LUC7L2: variants seen among roughly 807,000 people sequenced by gnomAD.
LUC7L2 encodes the protein putative RNA-binding protein Luc7-like 2.
LUC7L2 carries 25 observed loss-of-function variants against 52.8 expected under a neutral mutation model. The observed-to-expected ratio is 0.47, with a 90% confidence interval of 0.34 to 0.66. The LOEUF is 0.66. Ranked by LOEUF, LUC7L2 falls within the 30% of genes least tolerant of loss-of-function variation. The pLI, the probability that LUC7L2 is intolerant of heterozygous loss-of-function variation, is 0.01. For synonymous variants in LUC7L2, 144 were observed against 160.9 expected, an observed-to-expected ratio of 0.89 and a Z score of 0.80; for missense variants, 328 against 497.8, an observed-to-expected ratio of 0.66 and a Z score of 3.25.
chr7:139,369,141 C>G (rs1266668721), intron 1 of LUC7L2, among the ~76,000 whole-genome samples: 3 of 152,054 alleles, frequency 2.0e-5, no homozygotes, highest in Admixed American at 6.6e-5. Context: ...TGCTTGATAG[C>G]CAAAGATAGC....
chr7:139,399,723 C>T (rs938952194), intron 3 of LUC7L2, among the ~76,000 whole-genome samples: 1 of 152,070 alleles, frequency 6.6e-6, no homozygotes, highest in Middle Eastern at 3.4e-3. Flanking sequence ...CCCGCCTCAG[C>T]CTCCCAAAGT....
chr7:139,403,564 G>A (rs1158527993), intron 4 of LUC7L2, among the ~76,000 whole-genome samples: 1 of 152,154 alleles, frequency 6.6e-6, no homozygotes, highest in Non-Finnish European at 1.5e-5. Flanking sequence ...GCATCCTGAA[G>A]TACAAAGGAT....
At chr7:139,367,769 C>T (rs1800240790) in intron 1 of LUC7L2, among the ~76,000 whole-genome samples, 1 of 152,148 alleles carries the variant, frequency 6.6e-6, no homozygotes, top group Non-Finnish European at 1.5e-5. Context: ...CCATCAAGAC[C>T]TCCAGGATGA....
chr7:139,347,042 T>C (rs976183646), intron 1 of LUC7L2, among the ~76,000 whole-genome samples: 1 of 152,230 alleles, frequency 6.6e-6, no homozygotes, highest in Non-Finnish European at 1.5e-5. Context: ...TATTTGCTTC[T>C]TATATCCTTA....
At chr7:139,409,494 A>G (rs1795262876) in intron 6 of LUC7L2, 69 bp from the exon 7 acceptor site, 3 of 1,509,622 alleles carry the variant, frequency 2.0e-6, no homozygotes, top group Admixed American at 4.7e-5. Context: ...CAGATAATAT[A>G]AAGTTTAGGA....
intron 6 of LUC7L2, among the ~76,000 whole-genome samples, chr7:139,408,021 C>G (rs899663346): frequency 6.6e-6 from 1 of 152,058 alleles, no homozygotes; most frequent in Non-Finnish European, 1.5e-5. Context: ...AGAATTGTGG[C>G]ACTGTAGTGT....
At chr7:139,350,280 C>A (rs2131155468) in intron 1 of LUC7L2, among the ~76,000 whole-genome samples, 1 of 152,158 alleles carries the variant, frequency 6.6e-6, no homozygotes, top group East Asian at 1.9e-4. Context: ...CGCCACCACG[C>A]CCGGCTAATT....
intron 2 of LUC7L2, chr7:139,392,231 T>TA (rs1359701652): frequency 6.2e-6 from 1 of 161,398 alleles, no homozygotes; most frequent in Non-Finnish European, 1.4e-5. Flanking sequence ...TCCTTAGAAA[T>TA]AGAATTCCTT....
chr7:139,374,526 G>T (rs940656141), intron 1 of LUC7L2: 22 of 1,548,134 alleles, frequency 1.4e-5, no homozygotes, highest in Non-Finnish European at 1.9e-5. Flanking sequence ...AAAAGCAGTT[G>T]TGTTTAAAAG....
rs191536187 is a variant in LUC7L2 at position 139,369,797 on chromosome 7, C to T, written c.62-6265C>T. Among the ~76,000 whole-genome samples the T allele has an allele frequency of 7.2e-3, 1,097 of 152,234 alleles. 7 individuals carry two copies. Among genetic ancestry groups the T allele is most frequent in the Non-Finnish European group, 0.011 (727 of 68,022 alleles). On this transcript the variant is annotated intron_variant, in intron 1 of 9. Transcript: ENST00000354926. The stretch of plus-strand genomic sequence containing the variant: ...CACATTTTAAAAATGTTTGGCTTGT[C>T]ATGGGGATTATGGTGGGGGGTGATA...
intron 1 of LUC7L2, among the ~76,000 whole-genome samples, chr7:139,340,946 T>C (rs1201703858): frequency 1.3e-5 from 2 of 152,126 alleles, no homozygotes; most frequent in East Asian, 3.9e-4. Context: ...CCCCTGGGAT[T>C]TGGGGAGACG....
intron 1 of LUC7L2, chr7:139,340,640 C>T (rs971499408): frequency 3.0e-5 from 12 of 396,344 alleles, no homozygotes; most frequent in African/African-American, 1.4e-4. Flanking sequence ...AATGAAGTGA[C>T]GATGACGTAC....
intron 2 of LUC7L2, among the ~76,000 whole-genome samples, chr7:139,389,709 G>A (rs1794347834): frequency 6.6e-6 from 1 of 152,142 alleles, no homozygotes; most frequent in South Asian, 2.1e-4. Flanking sequence ...ATCATATTAT[G>A]TAACAAAATA....
intron 5 of LUC7L2, among the ~76,000 whole-genome samples, chr7:139,406,652 C>G (rs1426901019): frequency 6.6e-6 from 1 of 152,098 alleles, no homozygotes; most frequent in Non-Finnish European, 1.5e-5. Flanking sequence ...CCCGGCCTGG[C>G]CTGTTTTTTT....
At chr7:139,376,332 G>GT (rs1800707915) in intron 2 of LUC7L2, among the ~76,000 whole-genome samples, 176 bp downstream of exon 2, 1 of 151,744 alleles carries the variant, frequency 6.6e-6, no homozygotes, top group Admixed American at 6.6e-5. Flanking sequence ...CCTCACAAAA[G>GT]TGGTTGATAC....
intron 1 of LUC7L2, among the ~76,000 whole-genome samples, chr7:139,371,958 G>A (rs1394439195): frequency 6.6e-6 from 1 of 152,166 alleles, no homozygotes; most frequent in African/African-American, 2.4e-5. Flanking sequence ...ACTCATGAAG[G>A]TGTTGAACAA....
intron 2 of LUC7L2, among the ~76,000 whole-genome samples, chr7:139,381,877 AATTTTTTT>A (rs1216885908): frequency 2.3e-4 from 25 of 110,672 alleles, no homozygotes; most frequent in African/African-American, 1.2e-3. Flanking sequence ...CGCCTGGCCT[AATTTTTTT>A]TTTTTTTTTT....
chr7:139,365,490 T>C (rs1800110469), intron 1 of LUC7L2, among the ~76,000 whole-genome samples: 1 of 152,136 alleles, frequency 6.6e-6, no homozygotes, highest in Non-Finnish European at 1.5e-5. Context: ...TCAATGGCCA[T>C]GAGGTGTCAT....
At chr7:139,361,572 G>A (rs1799887145) in intron 1 of LUC7L2, among the ~76,000 whole-genome samples, 1 of 152,160 alleles carries the variant, frequency 6.6e-6, no homozygotes, top group Admixed American at 6.5e-5. Context: ...AGAATATATA[G>A]ACAAATAGGT....
Sources: gnomAD v4.1 joint callset for allele counts (sites outside exome capture counted in the v4.1 genomes callset) on GRCh38, gnomAD v4.1.1 for gene constraint, MANE v1.5 for transcripts, NCBI Gene and HGNC (gene_info 2026-07-23, HGNC 2026-07-21) for gene names.